The following ZNF334 variants were observed in gnomAD, a reference collection of about 807,000 sequenced individuals.
ZNF334 encodes zinc finger protein 334.
A neutral mutation model predicts 12.4 loss-of-function variants in ZNF334; 14 were observed. That is an observed-to-expected ratio of 1.13 (90% confidence interval 0.74 to 1.76). The LOEUF (loss-of-function observed/expected upper bound fraction) is 1.76, where lower values mean the gene tolerates loss of function less well. ZNF334 is among the 40% of genes most tolerant of loss of function. ZNF334 has a pLI of 0.00. For missense variants in ZNF334, 797 were observed against 804.5 expected, an observed-to-expected ratio of 0.99 and a Z score of 0.11; for synonymous variants, 273 against 269.6, an observed-to-expected ratio of 1.01 and a Z score of -0.12.
In ZNF334 at chr20:46,501,203, A is replaced by T. The variant is rs2061145022; in HGVS notation, c.*93T>A. 2.7e-6 allele frequency: 4 copies of T among 1,475,564 alleles called. No homozygotes were observed. Among genetic ancestry groups the T allele is most frequent in the South Asian group, 3.0e-5 (2 of 67,326 alleles). 91.4% of individuals were successfully genotyped at this position (1,475,564 alleles called of 1,614,324 possible). On this transcript the variant is annotated 3_prime_UTR_variant, in exon 5 of 5. Transcript: ENST00000692313. ...AAAATTTTCCATATTCATTACATTT[A>T]TAAGATTTTACTCCTCTATACATAC...
At chr20:46,475,500 G>A in the ZNF334 span, among the ~76,000 whole-genome samples, 10 of 152,010 alleles carry the variant, frequency 6.6e-5, no homozygotes, top group African/African-American at 2.4e-4. Flanking sequence ...CAAAGTGGGA[G>A]AACGTATTTA....
rs1298809593 is a variant in ZNF334 at position 46,503,240 on chromosome 20, T to A, written c.242-143A>T. 1.1e-5 allele frequency: 11 copies of A among 1,013,578 alleles called. No individual in the cohort carries two copies. In the South Asian group the frequency reaches 1.6e-4, roughly 15 times the overall value. 62.8% of individuals were successfully genotyped at this position (1,013,578 alleles called of 1,614,324 possible). ...ATTAAACAAATTTCAAGTGCAAATA[T>A]CTCTTACTTGGTTGATTTGAAGAAA... On this transcript the variant is annotated intron_variant, in intron 4 of 4. Coordinates refer to ENST00000692313, the MANE Select transcript of ZNF334 (RefSeq NM_001353824.2).
At chr20:46,506,172 T>C (rs528294680) in intron 2 of ZNF334, 3 of 398,958 alleles carry the variant, frequency 7.5e-6, no homozygotes, top group Non-Finnish European at 1.3e-5. Context: ...GTTTGATATA[T>C]GGTTCTGGAG....
chr20:46,477,723 C>T, the ZNF334 span, among the ~76,000 whole-genome samples: 1 of 152,192 alleles, frequency 6.6e-6, no homozygotes, highest in Non-Finnish European at 1.5e-5. Context: ...GGCAAAATTG[C>T]TTATTTTTCT....
chr20:46,483,449 G>C, the ZNF334 span, among the ~76,000 whole-genome samples: 1 of 151,902 alleles, frequency 6.6e-6, no homozygotes, highest in Admixed American at 6.6e-5. Context: ...TGGCACTTGA[G>C]TCTTTAAGAC....
chr20:46,489,875 C>T, the ZNF334 span, among the ~76,000 whole-genome samples: 2 of 152,128 alleles, frequency 1.3e-5, no homozygotes, highest in African/African-American at 4.8e-5. Flanking sequence ...TGTGCTGGTT[C>T]TCCATCTTAT....
chr20:46,494,192 C>T, the ZNF334 span, among the ~76,000 whole-genome samples: 1 of 152,282 alleles, frequency 6.6e-6, no homozygotes, highest in East Asian at 1.9e-4. Flanking sequence ...GTATAGAAGT[C>T]GAATTACTTT....
At position 46,502,120 on chromosome 20, in the gene ZNF334, A is replaced by T. The variant is rs754189603; in HGVS notation, c.1219T>A (p.Cys407Ser). Residue 407 changes from cysteine to serine, a missense_variant, in exon 5 of 5, where the codon TGT becomes AGT. By Grantham distance (112) the Cys-to-Ser change is moderately radical. Coordinates refer to ENST00000692313, the MANE Select transcript of ZNF334 (RefSeq NM_001353824.2). ...RIHTGEKPYE[C>S]SECEKTFFCQ... The stretch of plus-strand genomic sequence containing the variant: ...AAGAAGGTTTTCTCACATTCACTAC[A>T]TTCATAGGGTTTTTCCCCTGTGTGA... 6.2e-7 allele frequency: 1 copy of T among 1,614,188 alleles called. No homozygotes were observed. Among genetic ancestry groups the T allele is most frequent in the East Asian group, 2.2e-5 (1 of 44,880 alleles).
downstream of ZNF334, among the ~76,000 whole-genome samples, chr20:46,496,504 T>C (rs889338649): frequency 2.0e-5 from 3 of 152,202 alleles, no homozygotes; most frequent in Admixed American, 6.5e-5. Flanking sequence ...TCCTTAGCCC[T>C]GAAGGGAAAG....
chr20:46,506,470 TAAAA>T (rs112192759), intron 2 of ZNF334: 1 of 400,760 alleles, frequency 2.5e-6, no homozygotes, highest in Non-Finnish European at 4.4e-6. Context: ...TACAAAAAAA[TAAAA>T]AAAAATTAGC....
Position 46,504,708 on chromosome 20 carries a change from G to A in ZNF334, c.54C>T (p.Asn18=). ...IPVSFQDLTV[N]FTQEEWQQLD... ...GTTGCTGCCATTCCTCTTGGGTGAA[G>A]TTCACAGTCAGGTCCTGGAATGAAA... The change falls in exon 3 of 5, where the codon AAC becomes AAT. Residue 18 remains asparagine (N), a synonymous_variant. Coordinates refer to ENST00000692313, the MANE Select transcript of ZNF334 (RefSeq NM_001353824.2). 1 of 1,612,632 alleles carries A rather than the reference G, an allele frequency of 6.2e-7. No homozygotes were observed. Among genetic ancestry groups the A allele is most frequent in the Non-Finnish European group, 8.5e-7 (1 of 1,179,414 alleles).
chr20:46,502,283 C>A lies in ZNF334; in HGVS notation c.1056G>T (p.Lys352Asn). Reference sequence around the variant, plus strand: ...TCTTGCTGAAGGCATTTCCACATTCCTTGCATTCGTAAGGCTTCTCCCCTG... The same window carrying A: ...TCTTGCTGAAGGCATTTCCACATTCATTGCATTCGTAAGGCTTCTCCCCTG... ...SHTGEKPYEC[K>N]ECGNAFSKKS... is the part of the protein sequence containing the mutation. The change falls in exon 5 of 5, where the codon AAG (lysine) becomes AAT (asparagine). Residue 352 changes from lysine (K) to asparagine (N), a missense_variant. By Grantham distance (94) the Lys-to-Asn change is moderately conservative. Coordinates refer to ENST00000692313, the MANE Select transcript of ZNF334 (RefSeq NM_001353824.2). 1 of 1,614,042 alleles carries A rather than the reference C, an allele frequency of 6.2e-7. No individual in the cohort carries two copies. Among genetic ancestry groups the A allele is most frequent in the Non-Finnish European group, 8.5e-7 (1 of 1,180,012 alleles).
At chr20:46,490,965 C>T in the ZNF334 span, 1 of 152,550 alleles carries the variant, frequency 6.6e-6, no homozygotes, top group Admixed American at 6.5e-5. Flanking sequence ...TGTGGCATGG[C>T]TTTTGGGCAT....
chr20:46,475,607 G>A, the ZNF334 span, among the ~76,000 whole-genome samples: 2 of 152,032 alleles, frequency 1.3e-5, no homozygotes, highest in Non-Finnish European at 1.5e-5. Flanking sequence ...ATTAGAAAGT[G>A]GGAAAAAGAC....
At position 46,512,826 on chromosome 20, in the gene ZNF334, A is replaced by C. The variant is rs565933108; in HGVS notation, c.-325T>G. 6.6e-6 allele frequency: 1 copy of C among 152,376 alleles called. No homozygotes were observed. The highest frequency in any genetic ancestry group is 6.5e-5 in the Admixed American group (1 of 15,304). 9.4% of individuals were successfully genotyped at this position (152,376 alleles called of 1,614,324 possible). On this transcript the variant is annotated 5_prime_UTR_variant, in exon 1 of 5. Transcript: ENST00000692313. ...CTAAGTCGTAATTTTAATATAAGAT[A>C]AATTGGTTTTTAGTCTTTCCTTTAC...
chr20:46,507,100 C>A (rs1041645316), intron 2 of ZNF334, among the ~76,000 whole-genome samples: 3 of 150,026 alleles, frequency 2.0e-5, no homozygotes, highest in African/African-American at 7.4e-5. Flanking sequence ...GGTAACAGAG[C>A]AAAACCCAGT....
rs377245233 is a variant in ZNF334, at chr20:46,501,333, G to T, written c.2006C>A (p.Ser669Ter). 8 of 1,611,790 alleles carry T rather than the reference G, an allele frequency of 5.0e-6. No homozygotes were observed. The African/African-American group carries it at 5.3e-5, about 11-fold the overall frequency. Reference sequence around the variant, plus strand: ...GGATTTCTGATGTAAAAGAAAGTTTGATTTGTGGCGAAATGTTTTCTCACA... The same window carrying T: ...GGATTTCTGATGTAAAAGAAAGTTTTATTTGTGGCGAAATGTTTTCTCACA... ...NKCEKTFRHK[S>*]NFLLHQKSHK... Residue 669 changes from serine (S) to a stop codon, truncating the protein, a stop_gained, in exon 5 of 5, where the codon TCA (serine) becomes TAA (stop). Coordinates refer to ENST00000692313, the MANE Select transcript of ZNF334 (RefSeq NM_001353824.2). LOFTEE classifies it low-confidence loss of function (END_TRUNC).
chr20:46,473,413 A>G, the ZNF334 span, among the ~76,000 whole-genome samples: 2 of 152,182 alleles, frequency 1.3e-5, no homozygotes, highest in African/African-American at 4.8e-5. Context: ...ATCTTGAGAT[A>G]AGTGCTTCAT....
chr20:46,512,127 T>C lies in ZNF334; in HGVS notation c.-25A>G, dbSNP rs1259356385. The C allele has an allele frequency of 3.1e-6, 5 of 1,613,288 alleles. No homozygotes were observed. Among genetic ancestry groups the C allele is most frequent in the Non-Finnish European group, 4.2e-6 (5 of 1,179,568 alleles). On this transcript the variant is annotated 5_prime_UTR_variant, in exon 2 of 5. Coordinates refer to ENST00000692313, the MANE Select transcript of ZNF334 (RefSeq NM_001353824.2). ...TGTTCTCTTGAGAAAGGGCCAAGAG[T>C]GTTGAAAGCAGAGCTGGGTAAGGAA...
Sources: allele counts gnomAD v4.1 joint callset (sites outside exome capture counted in the v4.1 genomes callset), GRCh38; gene constraint gnomAD v4.1.1; transcripts MANE v1.5; gene names NCBI Gene and HGNC (gene_info 2026-07-23, HGNC 2026-07-21).